CAMTA1: variants seen among roughly 807,000 people sequenced by gnomAD.
CAMTA1 encodes the protein calmodulin binding transcription activator 1.
CAMTA1 carries 27 observed loss-of-function variants against 170.9 expected under a neutral mutation model. The observed-to-expected ratio is 0.16, with a 90% CI of 0.12 to 0.22. CAMTA1 has a LOEUF of 0.22. Among genes scored for constraint, CAMTA1 ranks in the 10% least tolerant of loss-of-function variants. The probability of loss-of-function intolerance (pLI) is 1.00; values close to 1 mark genes in which losing one functional copy is unlikely to be tolerated. For missense variants in CAMTA1, 1,619 were observed against 2,217.2 expected (o/e 0.73, Z 5.42); for synonymous variants, 833 against 891.5 (o/e 0.93, Z 1.17).
chr1:7,533,932 GA>G (rs1320382394), intron 6 of CAMTA1, among the ~76,000 whole-genome samples: 2 of 151,568 alleles, frequency 1.3e-5, no homozygotes, highest in Admixed American at 6.6e-5. Context: ...AAAATGAAAA[GA>G]AAAAAAGAAA....
At chr1:7,751,067 A>T in intron 19 of CAMTA1, 132 bp from the exon 20 acceptor site, 2 of 792,652 alleles carry the variant, frequency 2.5e-6, no homozygotes, top group Non-Finnish European at 2.2e-6. Flanking sequence ...TTTGTGATTA[A>T]ACCCCGGACA....
intron 3 of CAMTA1, among the ~76,000 whole-genome samples, chr1:6,944,338 T>C (rs1687217712): frequency 6.6e-6 from 1 of 152,160 alleles, no homozygotes. Context: ...AGAGTGACTC[T>C]TTTAGAACAC....
At chr1:7,281,262 ATC>A (rs1263216706) in intron 5 of CAMTA1, among the ~76,000 whole-genome samples, 2 of 152,260 alleles carry the variant, frequency 1.3e-5, no homozygotes, top group South Asian at 2.1e-4. Context: ...CAATTCAAGA[ATC>A]TCTTTGAAAT....
At chr1:6,805,752 C>G (rs560481183) in intron 1 of CAMTA1, among the ~76,000 whole-genome samples, 1 of 152,274 alleles carries the variant, frequency 6.6e-6, no homozygotes, top group South Asian at 2.1e-4. Flanking sequence ...CTCAAGTGAT[C>G]CTCCTGCCTT....
At chr1:7,630,443 C>CCCTG (rs2095661525) in intron 6 of CAMTA1, among the ~76,000 whole-genome samples, 1 of 152,194 alleles carries the variant, frequency 6.6e-6, no homozygotes, top group African/African-American at 2.4e-5. Flanking sequence ...GCAAGCCAGC[C>CCCTG]CCTGAGCCGG....
In CAMTA1 at chr1:7,575,939, G is replaced by T. The variant is rs185236329; in HGVS notation, c.511-64461G>T. 1.1e-3 allele frequency among the ~76,000 whole-genome samples: 174 copies of T among 152,268 alleles called. 1 individual carries two copies. Among genetic ancestry groups the T allele is most frequent in the African/African-American group, 3.9e-3 (163 of 41,560 alleles). The stretch of plus-strand genomic sequence containing the variant: ...CGTCAGGGAGGGAGGTGGCAGAGGG[G>T]CGATCAAGGAAATGGAGCAAGGAGG... On this transcript the variant is annotated intron_variant, in intron 6 of 22. Transcript: ENST00000303635.
At chr1:6,818,545 AC>A (rs1646103404) in intron 1 of CAMTA1, among the ~76,000 whole-genome samples, 1 of 152,076 alleles carries the variant, frequency 6.6e-6, no homozygotes, top group Non-Finnish European at 1.5e-5. Context: ...AGAAGTATCC[AC>A]CCGCCCTTTT....
At chr1:7,401,706 T>C (rs1452444404) in intron 5 of CAMTA1, among the ~76,000 whole-genome samples, 1 of 152,238 alleles carries the variant, frequency 6.6e-6, no homozygotes, top group Non-Finnish European at 1.5e-5. Flanking sequence ...TAAACATATT[T>C]AGTTTGATTC....
intron 7 of CAMTA1, among the ~76,000 whole-genome samples, chr1:7,648,948 G>A (rs761975289): frequency 2.0e-5 from 3 of 152,220 alleles, no homozygotes; most frequent in Non-Finnish European, 4.4e-5. Context: ...ACCTCTTTGG[G>A]CCACAGGCCT....
intron 3 of CAMTA1, among the ~76,000 whole-genome samples, chr1:6,843,150 T>A (rs1656575961): frequency 6.6e-6 from 1 of 152,212 alleles, no homozygotes; most frequent in South Asian, 2.1e-4. Context: ...TTCTTTACAC[T>A]TTTTTCCTTT....
intron 6 of CAMTA1, among the ~76,000 whole-genome samples, chr1:7,608,631 C>T (rs1466649153): frequency 6.6e-6 from 1 of 152,228 alleles, no homozygotes; most frequent in Non-Finnish European, 1.5e-5. Context: ...TGTCTGTCCC[C>T]TTGGCATCTC....
At chr1:7,695,628 T>C (rs549708254) in intron 11 of CAMTA1, among the ~76,000 whole-genome samples, 1 of 152,178 alleles carries the variant, frequency 6.6e-6, no homozygotes, top group African/African-American at 2.4e-5. Flanking sequence ...CTCCACTTCA[T>C]TGGTTCCAGA....
At chr1:7,237,113 C>T (rs1376611922) in intron 4 of CAMTA1, among the ~76,000 whole-genome samples, 1 of 152,194 alleles carries the variant, frequency 6.6e-6, no homozygotes, top group African/African-American at 2.4e-5. Context: ...TGGGAGGAAA[C>T]AGTGGAGCTG....
intron 6 of CAMTA1, among the ~76,000 whole-genome samples, chr1:7,607,227 G>A (rs1406190443): frequency 6.6e-6 from 1 of 151,660 alleles, no homozygotes; most frequent in Admixed American, 6.6e-5. Flanking sequence ...AAGATAGGTG[G>A]ATGGGCAGCT....
At position 6,785,488 on chromosome 1, in the gene CAMTA1, T is replaced by C. The variant is rs1638869534; in HGVS notation, c.-43T>C. ...GTGGCTGGGCCGGCGGCGGCGGCGGTACGAGGCGCGCGCTCGGGGTCCCGG... is the reference window on the plus strand; with the variant it reads ...GTGGCTGGGCCGGCGGCGGCGGCGGCACGAGGCGCGCGCTCGGGGTCCCGG... On this transcript the variant is annotated 5_prime_UTR_variant, in exon 1 of 23. Coordinates refer to ENST00000303635, the MANE Select transcript of CAMTA1 (RefSeq NM_015215.4). 1.0e-6 allele frequency: 1 copy of C among 1,001,224 alleles called. No individual in the cohort carries two copies. The highest frequency in any genetic ancestry group is 1.2e-6 in the Non-Finnish European group (1 of 838,844). 62.0% of individuals were successfully genotyped at this position (1,001,224 alleles called of 1,614,324 possible).
intron 6 of CAMTA1, among the ~76,000 whole-genome samples, chr1:7,597,452 G>C (rs2095408684): frequency 6.6e-6 from 1 of 152,198 alleles, no homozygotes; most frequent in African/African-American, 2.4e-5. Context: ...AAGAGAGCTT[G>C]GCCCTGAACT....
At chr1:6,916,807 G>C (rs1013627830) in intron 3 of CAMTA1, among the ~76,000 whole-genome samples, 2 of 152,202 alleles carry the variant, frequency 1.3e-5, no homozygotes, top group African/African-American at 4.8e-5. Flanking sequence ...GATACGTCAT[G>C]GACACTTATT....
At chr1:7,336,869 T>C (rs1228381822) in intron 5 of CAMTA1, among the ~76,000 whole-genome samples, 1 of 152,204 alleles carries the variant, frequency 6.6e-6, no homozygotes, top group Non-Finnish European at 1.5e-5. Context: ...TCCTCACTCC[T>C]GTCCTTTGGA....
intron 5 of CAMTA1, among the ~76,000 whole-genome samples, chr1:7,409,345 C>A (rs2090537495): frequency 6.6e-6 from 1 of 152,246 alleles, no homozygotes; most frequent in Admixed American, 6.5e-5. Context: ...GACCCCTGGC[C>A]TCCATCAGAG....
Sources: gnomAD v4.1 joint callset for allele counts (sites outside exome capture counted in the v4.1 genomes callset) on GRCh38, gnomAD v4.1.1 for gene constraint, MANE v1.5 for transcripts, NCBI Gene and HGNC (gene_info 2026-07-23, HGNC 2026-07-21) for gene names.